Variants in ZNF678 observed in about 807,000 individuals in gnomAD.
ZNF678 encodes hypothetical protein MGC42493.
Under a neutral mutation model 3.0 loss-of-function variants are expected in ZNF678, and 5 were observed. The ratio of observed to expected loss-of-function variants is 1.69; its 90% CI spans 0.88 to 3.56. The LOEUF (loss-of-function observed/expected upper bound fraction) is 3.56, where lower values mean the gene tolerates loss of function less well. ZNF678 is among the 30% of genes most tolerant of loss of function. ZNF678 has a pLI of 0.00. For missense variants in ZNF678, 593 were observed against 605.0 expected, an observed-to-expected ratio of 0.98 and a Z score of 0.21; for synonymous variants, 218 against 199.6, an observed-to-expected ratio of 1.09 and a Z score of -0.78.
chr1:227,627,400 T>A (rs1658445439), intron 1 of ZNF678, among the ~76,000 whole-genome samples: 1 of 152,002 alleles, frequency 6.6e-6, no homozygotes, highest in Non-Finnish European at 1.5e-5. Context: ...GTACTAGGGG[T>A]CCTTCTATAA....
chr1:227,588,066 A>G (rs1450347721), intron 1 of ZNF678, among the ~76,000 whole-genome samples: 1 of 152,054 alleles, frequency 6.6e-6, no homozygotes, highest in Non-Finnish European at 1.5e-5. Context: ...CCCACTTATA[A>G]GTGAGAACCT....
intron 1 of ZNF678, among the ~76,000 whole-genome samples, chr1:227,571,001 A>G (rs1558127857): frequency 6.6e-6 from 1 of 152,168 alleles, no homozygotes; most frequent in South Asian, 2.1e-4. Flanking sequence ...TTTTTATTTT[A>G]TCAGTTACTC....
intron 2 of ZNF678, among the ~76,000 whole-genome samples, chr1:227,650,250 T>G (rs1659057344): frequency 6.6e-6 from 1 of 152,234 alleles, no homozygotes; most frequent in Admixed American, 6.5e-5. Context: ...CCAGCATCAA[T>G]TACTGAAGCA....
In ZNF678 at chr1:227,656,002, G is replaced by A; in HGVS notation, c.*174G>A. 2 of 497,988 alleles carry A rather than the reference G, an allele frequency of 4.0e-6. No individual in the cohort carries two copies. The highest frequency in any genetic ancestry group is 3.3e-6 in the Non-Finnish European group (1 of 303,554). The allele number at this position is 497,988 out of a possible 1,614,324, so 30.8% of individuals were successfully genotyped here. On this transcript the variant is annotated 3_prime_UTR_variant, in exon 4 of 4. Transcript: ENST00000343776. ...ATATCTTTATTTCAAAGATCTTCCT[G>A]TAAACAGAATCTGTACTAGAGGAAA...
At chr1:227,564,253 A>G (rs956443334) in intron 1 of ZNF678, among the ~76,000 whole-genome samples, 1 of 152,190 alleles carries the variant, frequency 6.6e-6, no homozygotes, top group Non-Finnish European at 1.5e-5. Context: ...CAGTCACCTT[A>G]TTTGGACTGT....
downstream of ZNF678, among the ~76,000 whole-genome samples, chr1:227,667,169 A>G (rs1380647469): frequency 6.6e-6 from 1 of 151,634 alleles, no homozygotes; most frequent in Non-Finnish European, 1.5e-5. Context: ...TCAGCCCCCC[A>G]AGTAGCTGGG....
intron 1 of ZNF678, among the ~76,000 whole-genome samples, chr1:227,574,752 G>T (rs952104055): frequency 6.6e-6 from 1 of 152,164 alleles, no homozygotes; most frequent in Admixed American, 6.5e-5. Flanking sequence ...TGTCCTGAAT[G>T]ATACTGCCTA....
At chr1:227,679,304 A>G (rs554683073), downstream of ZNF678, among the ~76,000 whole-genome samples, 2 of 152,250 alleles carry the variant, frequency 1.3e-5, no homozygotes, top group South Asian at 4.2e-4. Context: ...GCCCCCAAAG[A>G]AAGAAGAAGT....
At chr1:227,631,923 G>A (rs1298015806) in intron 1 of ZNF678, among the ~76,000 whole-genome samples, 1 of 152,238 alleles carries the variant, frequency 6.6e-6, no homozygotes, top group African/African-American at 2.4e-5. Context: ...CACTATAGGA[G>A]TATGCACCTC....
At chr1:227,625,824 A>T (rs1290712832) in intron 1 of ZNF678, among the ~76,000 whole-genome samples, 1 of 151,958 alleles carries the variant, frequency 6.6e-6, no homozygotes, top group Non-Finnish European at 1.5e-5. Context: ...CCCCCATCAG[A>T]CATACCGGTA....
chr1:227,641,914 C>T (rs1047419492), intron 1 of ZNF678, among the ~76,000 whole-genome samples: 3 of 152,234 alleles, frequency 2.0e-5, no homozygotes, highest in Non-Finnish European at 4.4e-5. Context: ...AGACTCTCAA[C>T]TTTCATTCCT....
chr1:227,587,595 AT>A (rs1160029807), intron 1 of ZNF678, among the ~76,000 whole-genome samples: 1 of 152,162 alleles, frequency 6.6e-6, no homozygotes, highest in Non-Finnish European at 1.5e-5. Context: ...TTTATCTTGT[AT>A]TTCCTGCATT....
intron 1 of ZNF678, among the ~76,000 whole-genome samples, chr1:227,579,824 A>G (rs555993761): frequency 6.6e-5 from 10 of 152,308 alleles, no homozygotes; most frequent in Non-Finnish European, 4.4e-5. Context: ...TGTGGAGATC[A>G]GATCTGACAG....
chr1:227,641,703 A>T (rs1371416812), intron 1 of ZNF678, among the ~76,000 whole-genome samples: 1 of 152,150 alleles, frequency 6.6e-6, no homozygotes, highest in Non-Finnish European at 1.5e-5. Flanking sequence ...TTTAGATAGA[A>T]AGGTCTCTCT....
intron 1 of ZNF678, among the ~76,000 whole-genome samples, 174 bp downstream of exon 1, chr1:227,563,898 C>T (rs763463830): frequency 2.0e-5 from 3 of 152,210 alleles, no homozygotes; most frequent in Non-Finnish European, 4.4e-5. Flanking sequence ...GCTTCCGCCC[C>T]GGCCTCTCTG....
chr1:227,642,159 C>T (rs1215717275), intron 1 of ZNF678, among the ~76,000 whole-genome samples: 2 of 152,122 alleles, frequency 1.3e-5, no homozygotes, highest in Non-Finnish European at 2.9e-5. Context: ...GCCTAAGATT[C>T]AAAATAAAGG....
intron 1 of ZNF678, among the ~76,000 whole-genome samples, chr1:227,596,478 G>C (rs1657591883): frequency 6.6e-6 from 1 of 152,170 alleles, no homozygotes; most frequent in Non-Finnish European, 1.5e-5. Flanking sequence ...ACAATGTCTG[G>C]AATCTATAGA....
At chr1:227,571,232 C>T (rs1285545922) in intron 1 of ZNF678, among the ~76,000 whole-genome samples, 1 of 152,130 alleles carries the variant, frequency 6.6e-6, no homozygotes, top group Admixed American at 6.6e-5. Context: ...AATTGTACTG[C>T]CATACACCAC....
chr1:227,637,291 A>G (rs866917129), intron 1 of ZNF678, among the ~76,000 whole-genome samples: 2 of 152,186 alleles, frequency 1.3e-5, no homozygotes, highest in East Asian at 1.9e-4. Context: ...GGGGGTTTCT[A>G]TGAATAGAGA....
Sources: gnomAD v4.1 joint callset for allele counts (sites outside exome capture counted in the v4.1 genomes callset) on GRCh38, gnomAD v4.1.1 for gene constraint, MANE v1.5 for transcripts, NCBI Gene and HGNC (gene_info 2026-07-23, HGNC 2026-07-21) for gene names.